The following ARFIP1 variants were observed in gnomAD, a reference collection of about 807,000 sequenced individuals.
ARFIP1 encodes the protein ARF interacting protein 1.
In ARFIP1, 24 loss-of-function variants were observed where a neutral mutation model predicts 42.5. That is an observed-to-expected ratio of 0.57 (90% CI 0.41 to 0.80). The LOEUF (loss-of-function observed/expected upper bound fraction) is 0.80, where lower values mean the gene tolerates loss of function less well. ARFIP1 is among the 30% of genes least tolerant of loss of function. ARFIP1 has a pLI of 0.00. For synonymous variants in ARFIP1, 141 were observed against 153.7 expected, an observed-to-expected ratio of 0.92 and a Z score of 0.61; for missense variants, 354 against 434.0, an observed-to-expected ratio of 0.82 and a Z score of 1.64.
intron 1 of ARFIP1, among the ~76,000 whole-genome samples, chr4:152,785,548 C>T (rs1730751210): frequency 6.6e-6 from 1 of 152,206 alleles, no homozygotes; most frequent in Non-Finnish European, 1.5e-5. Flanking sequence ...AGCGATCTTC[C>T]CGCCTTGGCC....
chr4:152,874,750 A>G (rs1735184582), intron 5 of ARFIP1, among the ~76,000 whole-genome samples: 1 of 152,110 alleles, frequency 6.6e-6, no homozygotes, highest in African/African-American at 2.4e-5. Flanking sequence ...CTGCAACCAT[A>G]ACCACCTGGA....
chr4:152,822,389 A>G (rs1304644934), intron 1 of ARFIP1, among the ~76,000 whole-genome samples: 1 of 152,116 alleles, frequency 6.6e-6, no homozygotes, highest in African/African-American at 2.4e-5. Context: ...ATATGCACCT[A>G]ACTTTGGAGC....
intron 8 of ARFIP1, among the ~76,000 whole-genome samples, chr4:152,902,192 A>G (rs536864410): frequency 5.3e-4 from 81 of 152,298 alleles, no homozygotes; most frequent in Non-Finnish European, 7.1e-4. Context: ...TTGTTTTTCA[A>G]CTGTATCATG....
At chr4:152,884,042 C>A (rs1346429148) in intron 7 of ARFIP1, among the ~76,000 whole-genome samples, 1 of 151,952 alleles carries the variant, frequency 6.6e-6, no homozygotes, top group Non-Finnish European at 1.5e-5. Context: ...CCTTACACTT[C>A]AATTAAGTAA....
intron 8 of ARFIP1, among the ~76,000 whole-genome samples, chr4:152,904,121 G>A (rs1213955213): frequency 6.7e-6 from 1 of 150,150 alleles, no homozygotes; most frequent in African/African-American, 2.4e-5. Context: ...AGGTAAACGT[G>A]TGCCATGATG....
chr4:152,798,250 G>C (rs528241497), intron 1 of ARFIP1, among the ~76,000 whole-genome samples: 1 of 152,088 alleles, frequency 6.6e-6, no homozygotes, highest in Non-Finnish European at 1.5e-5. Context: ...GCGACAGAGC[G>C]AGACACCGTC....
At chr4:152,785,996 C>T (rs1178304084) in intron 1 of ARFIP1, among the ~76,000 whole-genome samples, 1 of 152,136 alleles carries the variant, frequency 6.6e-6, no homozygotes, top group Non-Finnish European at 1.5e-5. Context: ...ATACATAATT[C>T]CTATATTGTT....
At chr4:152,889,822 AT>A (rs1736665169) in intron 8 of ARFIP1, among the ~76,000 whole-genome samples, 1 of 111,466 alleles carries the variant, frequency 9.0e-6, no homozygotes, top group Non-Finnish European at 1.7e-5. Flanking sequence ...TATATATACT[AT>A]ATATACTATA....
At chr4:152,835,171 G>T (rs1349538021) in intron 2 of ARFIP1, among the ~76,000 whole-genome samples, 1 of 152,206 alleles carries the variant, frequency 6.6e-6, no homozygotes, top group Non-Finnish European at 1.5e-5. Flanking sequence ...TCCACAGTCT[G>T]CTCGGATTCT....
At chr4:152,785,630 A>T (rs556791726) in intron 1 of ARFIP1, among the ~76,000 whole-genome samples, 2 of 152,362 alleles carry the variant, frequency 1.3e-5, no homozygotes, top group Admixed American at 6.5e-5. Flanking sequence ...TGAAATAAAG[A>T]TTCAAGTAAT....
At position 152,911,039 on chromosome 4, in the gene ARFIP1, C is replaced by T. The variant is rs1376665607; in HGVS notation, c.*820C>T. 6.6e-6 allele frequency: 1 copy of T among 152,550 alleles called. No individual in the cohort carries two copies. The highest frequency in any genetic ancestry group is 1.5e-5 in the Non-Finnish European group (1 of 68,020). 9.4% of individuals were successfully genotyped at this position (152,550 alleles called of 1,614,324 possible). On this transcript the variant is annotated 3_prime_UTR_variant, in exon 9 of 9. Transcript: ENST00000353617. Reference sequence around the variant, plus strand: ...GTACTTAGAAAACTAGTTTTTGGGTCAGTTCCATTTTGATAGAAGTGAATA... The same window carrying T: ...GTACTTAGAAAACTAGTTTTTGGGTTAGTTCCATTTTGATAGAAGTGAATA...
intron 2 of ARFIP1, among the ~76,000 whole-genome samples, chr4:152,848,985 A>T (rs1251143199): frequency 6.6e-6 from 1 of 152,214 alleles, no homozygotes; most frequent in Non-Finnish European, 1.5e-5. Context: ...CCAAATATGT[A>T]TGTTGATCCC....
intron 5 of ARFIP1, among the ~76,000 whole-genome samples, chr4:152,878,240 T>A (rs1735528944): frequency 6.6e-6 from 1 of 152,238 alleles, no homozygotes; most frequent in Non-Finnish European, 1.5e-5. Context: ...GACCACCAGC[T>A]CATTGTAAGT....
intron 2 of ARFIP1, among the ~76,000 whole-genome samples, chr4:152,840,192 T>C: frequency 6.6e-6 from 1 of 152,238 alleles, no homozygotes; most frequent in East Asian, 1.9e-4. Context: ...TAGAGAAATT[T>C]CCACGCGCTG....
chr4:152,847,885 A>T (rs915932630), intron 2 of ARFIP1, among the ~76,000 whole-genome samples: 1 of 152,222 alleles, frequency 6.6e-6, no homozygotes, highest in Non-Finnish European at 1.5e-5. Context: ...GAAGGCCCAA[A>T]ACAAAAATCC....
chr4:152,850,767 T>C (rs867236199), intron 2 of ARFIP1: 1 of 152,200 alleles, frequency 6.6e-6, no homozygotes, highest in Non-Finnish European at 1.5e-5. Flanking sequence ...ATAGAGAGTT[T>C]AGAAAATGCT....
chr4:152,857,340 A>T (rs1454478427), intron 2 of ARFIP1, among the ~76,000 whole-genome samples: 2 of 152,250 alleles, frequency 1.3e-5, no homozygotes, highest in Non-Finnish European at 2.9e-5. Flanking sequence ...TAAATCTTTT[A>T]GAAAACATAC....
intron 7 of ARFIP1, among the ~76,000 whole-genome samples, chr4:152,887,356 G>A (rs1736348852): frequency 6.6e-6 from 1 of 151,934 alleles, no homozygotes; most frequent in South Asian, 2.1e-4. Context: ...AGATACTGTT[G>A]TTACATTCTG....
At chr4:152,857,290 A>G (rs1185621465) in intron 2 of ARFIP1, among the ~76,000 whole-genome samples, 1 of 152,248 alleles carries the variant, frequency 6.6e-6, no homozygotes, top group Non-Finnish European at 1.5e-5. Flanking sequence ...AAACCGAAGC[A>G]GGTTCTGAAA....
Sources: gnomAD v4.1 joint callset for allele counts (sites outside exome capture counted in the v4.1 genomes callset) on GRCh38, gnomAD v4.1.1 for gene constraint, MANE v1.5 for transcripts, NCBI Gene and HGNC (gene_info 2026-07-23, HGNC 2026-07-21) for gene names.